Variants in ATP2B2 observed in about 807,000 individuals in gnomAD.
The protein encoded by ATP2B2 is ATPase plasma membrane Ca2+ transporting 2, also known as plasma membrane calcium-transporting ATPase 2.
In ATP2B2, 15 loss-of-function variants were observed where a neutral mutation model predicts 120.0. The ratio of observed to expected loss-of-function variants is 0.12; its 90% CI spans 0.08 to 0.19. The LOEUF (loss-of-function observed/expected upper bound fraction) is 0.19. Ranked by LOEUF, ATP2B2 falls within the 10% of genes least tolerant of loss-of-function variation. The pLI, the probability that ATP2B2 is intolerant of heterozygous loss-of-function variation, is 1.00. For synonymous variants in ATP2B2, 694 were observed against 700.3 expected (o/e 0.99, Z 0.14); for missense variants, 1,045 against 1,719.8 (o/e 0.61, Z 6.94).
At chr3:10,487,248 A>G (rs533836689) in intron 1 of ATP2B2, among the ~76,000 whole-genome samples, 9 of 152,252 alleles carry the variant, frequency 5.9e-5, no homozygotes, top group Admixed American at 4.6e-4. Flanking sequence ...GTGCGCACAC[A>G]CACACAGACA....
chr3:10,338,214 T>C lies in ATP2B2; in HGVS notation c.3382A>G (p.Ile1128Val). ...HAERELRRGQ[I>V]LWFRGLNRIQ... ...CGATTCAGGCCTCGGAACCACAGGA[T>C]CTGGCCCCGCCGCAGCTCCCGCTCC... Residue 1128 changes from isoleucine to valine, a missense_variant, in exon 22 of 23, where the codon ATC becomes GTC. Ile to Val is a conservative substitution (Grantham distance 29). Coordinates refer to ENST00000360273, the MANE Select transcript of ATP2B2 (RefSeq NM_001001331.4). 6.2e-7 allele frequency: 1 copy of C among 1,614,130 alleles called. No individual in the cohort carries two copies. The highest frequency in any genetic ancestry group is 8.5e-7 in the Non-Finnish European group (1 of 1,180,020).
chr3:10,568,990 C>G (rs1476688833), intron 2 of ATP2B2, among the ~76,000 whole-genome samples: 1 of 152,222 alleles, frequency 6.6e-6, no homozygotes, highest in East Asian at 1.9e-4. Flanking sequence ...ACTTCTGCAG[C>G]TGCTGCTATA....
At chr3:10,372,246 T>C (rs1479304083) in intron 11 of ATP2B2, among the ~76,000 whole-genome samples, 195 bp from the exon 12 acceptor site, 1 of 152,230 alleles carries the variant, frequency 6.6e-6, no homozygotes, top group East Asian at 1.9e-4. Context: ...CGCGTGGCCC[T>C]TTCCTTTCTC....
At chr3:10,487,561 G>A (rs1176601626) in intron 1 of ATP2B2, among the ~76,000 whole-genome samples, 1 of 152,204 alleles carries the variant, frequency 6.6e-6, no homozygotes, top group African/African-American at 2.4e-5. Context: ...CCCTGATGGG[G>A]GTTGAAGAAT....
At chr3:10,580,150 G>A (rs1297951360) in intron 2 of ATP2B2, among the ~76,000 whole-genome samples, 12 of 152,186 alleles carry the variant, frequency 7.9e-5, no homozygotes, top group Non-Finnish European at 1.6e-4. Context: ...CTCAGAACAG[G>A]TGACAGGGCT....
chr3:10,388,058 G>A (rs1399625821), intron 6 of ATP2B2: 7 of 595,618 alleles, frequency 1.2e-5, no homozygotes, highest in Non-Finnish European at 2.1e-5. Flanking sequence ...GGGCCTCCAT[G>A]ACATGATTGG....
intron 1 of ATP2B2, among the ~76,000 whole-genome samples, chr3:10,631,363 G>A (rs953811945): frequency 2.0e-5 from 3 of 152,180 alleles, no homozygotes; most frequent in South Asian, 2.1e-4. Context: ...CAAGTGATAG[G>A]TCCATCTTTC....
chr3:10,617,878 G>A (rs1386386910), intron 2 of ATP2B2, among the ~76,000 whole-genome samples: 1 of 145,276 alleles, frequency 6.9e-6, no homozygotes, highest in Non-Finnish European at 1.5e-5. Context: ...CCCCCACCAG[G>A]TGATGGCCAA....
intron 2 of ATP2B2, among the ~76,000 whole-genome samples, chr3:10,422,253 C>G (rs1367095031): frequency 6.6e-6 from 1 of 152,210 alleles, no homozygotes; most frequent in African/African-American, 2.4e-5. Context: ...CTGTAAGAGC[C>G]ACTTAACAGA....
chr3:10,331,908 T>C (rs1168500247), intron 22 of ATP2B2: 1 of 1,424,214 alleles, frequency 7.0e-7, no homozygotes, highest in Non-Finnish European at 9.7e-7. Context: ...CTCGAATGTT[T>C]ACCCGGCTTC....
intron 1 of ATP2B2, among the ~76,000 whole-genome samples, chr3:10,466,018 T>A (rs1022215523): frequency 1.3e-5 from 2 of 152,190 alleles, no homozygotes; most frequent in Non-Finnish European, 2.9e-5. Flanking sequence ...CCTGCTTGAA[T>A]CCAGAGATCA....
intron 2 of ATP2B2, among the ~76,000 whole-genome samples, chr3:10,580,021 A>G (rs1454222492): frequency 6.6e-6 from 1 of 152,100 alleles, no homozygotes; most frequent in Non-Finnish European, 1.5e-5. Flanking sequence ...GCAGTGATCC[A>G]GGGGCTCTAA....
At chr3:10,483,294 T>C (rs979956236) in intron 1 of ATP2B2, among the ~76,000 whole-genome samples, 2 of 152,190 alleles carry the variant, frequency 1.3e-5, no homozygotes, top group Admixed American at 1.3e-4. Context: ...CTGGCGTAGG[T>C]CCCAGGGCAG....
At position 10,475,411 on chromosome 3, in the gene ATP2B2, T is replaced by A. The variant is rs137949344; in HGVS notation, c.-319-25549A>T. Among the ~76,000 whole-genome samples, 464 of 152,316 alleles carry A rather than the reference T, an allele frequency of 3.0e-3. 1 individual carries two copies. The highest frequency in any genetic ancestry group is 5.5e-3 in the Non-Finnish European group (373 of 68,022). On this transcript the variant is annotated intron_variant, in intron 1 of 22. Coordinates refer to ENST00000360273, the MANE Select transcript of ATP2B2 (RefSeq NM_001001331.4). ...GGCTCCTGCAGAATGCCTCTCTGGCTGGGGAACAGGTAAGGGGAGAGGGAC... is the reference window on the plus strand; with the variant it reads ...GGCTCCTGCAGAATGCCTCTCTGGCAGGGGAACAGGTAAGGGGAGAGGGAC...
chr3:10,582,720 G>T (rs972960445), intron 2 of ATP2B2, among the ~76,000 whole-genome samples: 6 of 152,142 alleles, frequency 3.9e-5, no homozygotes, highest in Non-Finnish European at 7.4e-5. Flanking sequence ...AGTCCCAGAG[G>T]GGGCTGAGCC....
intron 1 of ATP2B2, among the ~76,000 whole-genome samples, chr3:10,645,118 G>C (rs58856591): frequency 0.27 from 40,894 of 152,082 alleles, 9,619 homozygotes; most frequent in African/African-American, 0.63. Flanking sequence ...AAGAGAGAGA[G>C]AGAGAGAATG....
intron 1 of ATP2B2, among the ~76,000 whole-genome samples, chr3:10,696,255 A>C (rs1413923869): frequency 6.6e-6 from 1 of 152,210 alleles, no homozygotes; most frequent in African/African-American, 2.4e-5. Flanking sequence ...ATAGATTCCA[A>C]GGGGATTTCA....
chr3:10,645,327 T>C (rs2070295307), intron 1 of ATP2B2, among the ~76,000 whole-genome samples: 1 of 152,178 alleles, frequency 6.6e-6, no homozygotes, highest in Non-Finnish European at 1.5e-5. Flanking sequence ...CTGTTGATGA[T>C]ATGTGAGTAT....
chr3:10,329,134 G>T lies in ATP2B2; in HGVS notation c.3421-9C>A. On this transcript the variant is annotated splice_polypyrimidine_tract_variant and intron_variant, in intron 22 of 22. Coordinates refer to ENST00000360273, the MANE Select transcript of ATP2B2 (RefSeq NM_001001331.4). The surrounding 1 kb of genome is among the most constrained non-coding windows in gnomAD (Gnocchi z 5.9). ...GCCTTCACGACGCGGATCTGCAAGG[G>T]AAGCACAGGGGTCAGGAGCACTGCC... 1 of 1,526,508 alleles carries T rather than the reference G, an allele frequency of 6.6e-7. No individual in the cohort carries two copies. 94.6% of individuals were successfully genotyped at this position (1,526,508 alleles called of 1,614,324 possible).
Sources: gnomAD v4.1 joint callset for allele counts (sites outside exome capture counted in the v4.1 genomes callset) on GRCh38, gnomAD v4.1.1 for gene constraint, Gnocchi (gnomAD v3.1) non-coding constraint, MANE v1.5 for transcripts, NCBI Gene and HGNC (gene_info 2026-07-23, HGNC 2026-07-21) for gene names.